Variants in RIMS3 observed in about 807,000 individuals in gnomAD.
The protein encoded by RIMS3 is regulating synaptic membrane exocytosis 3.
Under a neutral mutation model 29.2 loss-of-function variants are expected in RIMS3, and 15 were observed. The observed-to-expected ratio is 0.51, with a 90% confidence interval of 0.34 to 0.79. The LOEUF (loss-of-function observed/expected upper bound fraction) is 0.79. Among genes scored for constraint, RIMS3 ranks in the 30% least tolerant of loss-of-function variants. The probability of loss-of-function intolerance (pLI) is 0.01; values close to 1 mark genes in which losing one functional copy is unlikely to be tolerated. For missense variants in RIMS3, 342 were observed against 421.4 expected (o/e 0.81, Z 1.65); for synonymous variants, 161 against 170.1 (o/e 0.95, Z 0.41).
rs559120528 is a variant in RIMS3 at position 40,664,393 on chromosome 1, A to C, written c.-207+1001T>G. ...ATGGCTCATTAACCCCTTGTTGACC[A>C]GGCCCAATCCTCCTCCCATGACTTC... On this transcript the variant is annotated intron_variant, in intron 1 of 7. Transcript: ENST00000372684. Among the ~76,000 whole-genome samples, 453 of 152,236 alleles carry C rather than the reference A, an allele frequency of 3.0e-3. 2 individuals are homozygous for C. The highest frequency in any genetic ancestry group is 4.6e-3 in the Non-Finnish European group (315 of 67,990).
chr1:40,635,307 C>T lies in RIMS3; in HGVS notation c.359+609G>A, dbSNP rs1646512537. 6.6e-6 allele frequency among the ~76,000 whole-genome samples: 1 copy of T among 152,236 alleles called. No individual in the cohort carries two copies. The highest frequency in any genetic ancestry group is 2.1e-4 in the South Asian group (1 of 4,828). ...CCTACATGTAAGAAAGGAGATTTAA[C>T]ATCATGACCCAGGACAGACCTGTGT... On this transcript the variant is annotated intron_variant, in intron 4 of 7. Coordinates refer to ENST00000372684, the MANE Select transcript of RIMS3 (RefSeq NM_014747.3). The surrounding 1 kb of genome is among the most constrained non-coding windows in gnomAD (Gnocchi z 4.1).
the RIMS3 span, among the ~76,000 whole-genome samples, chr1:40,682,243 G>T: frequency 2.6e-5 from 4 of 152,140 alleles, no homozygotes; most frequent in African/African-American, 7.2e-5. Context: ...TGTTGTTTAG[G>T]TACCTATTGT....
At position 40,665,653 on chromosome 1, in the gene RIMS3, A is replaced by G. The variant is rs1642414807; in HGVS notation, c.-466T>C. The G allele has an allele frequency of 1.3e-5, 2 of 152,260 alleles. No homozygotes were observed. Among genetic ancestry groups the G allele is most frequent in the Admixed American group, 6.5e-5 (1 of 15,296 alleles). The allele number at this position is 152,260 out of a possible 1,614,324, so 9.4% of individuals were successfully genotyped here. A position where few individuals can be genotyped will look rare whatever the true frequency, so the allele number is the denominator to read the frequency against. On this transcript the variant is annotated 5_prime_UTR_variant, in exon 1 of 8. Coordinates refer to ENST00000372684, the MANE Select transcript of RIMS3 (RefSeq NM_014747.3). ...CTGCGCTGCCGGCTCCGCAGCAGCC[A>G]CCGTTTTCAGTCGCCGCCGGGTGCA...
chr1:40,682,258 T>A, the RIMS3 span, among the ~76,000 whole-genome samples: 1 of 152,208 alleles, frequency 6.6e-6, no homozygotes, highest in Admixed American at 6.5e-5. Context: ...TATTGTTAAT[T>A]AAGTACCTAT....
chr1:40,669,947 A>G (rs616954), upstream of RIMS3, among the ~76,000 whole-genome samples: 119,445 of 151,952 alleles, frequency 0.79, 47,577 homozygotes, highest in African/African-American at 0.9. Flanking sequence ...TAATTATCAG[A>G]GCCATCCAGT....
At chr1:40,644,312 A>T (rs1646580368) in intron 2 of RIMS3, among the ~76,000 whole-genome samples, 1 of 152,214 alleles carries the variant, frequency 6.6e-6, no homozygotes, top group Non-Finnish European at 1.5e-5. Flanking sequence ...CAGGGTCATA[A>T]ATGTCTTTTG....
chr1:40,669,173 A>C (rs1000099129), upstream of RIMS3: 4 of 152,274 alleles, frequency 2.6e-5, no homozygotes, highest in South Asian at 8.3e-4. Context: ...TTTTGAGGGA[A>C]CTAACCATGT....
In RIMS3 at chr1:40,622,644, T is replaced by A. The variant is rs1646429833; in HGVS notation, c.*3873A>T. 1 of 152,632 alleles carries A rather than the reference T, an allele frequency of 6.6e-6. No homozygotes were observed. Among genetic ancestry groups the A allele is most frequent in the Non-Finnish European group, 1.5e-5 (1 of 68,066 alleles). 9.5% of individuals were successfully genotyped at this position (152,632 alleles called of 1,614,324 possible). A position where few individuals can be genotyped will look rare whatever the true frequency, so the allele number is the denominator to read the frequency against. On this transcript the variant is annotated 3_prime_UTR_variant, in exon 8 of 8. Coordinates refer to ENST00000372684, the MANE Select transcript of RIMS3 (RefSeq NM_014747.3). ...CCTTCTGGCCCTGAATGATGTGCCA[T>A]CTCTCCAGCCAGGTGGAGGGCAACT...
At chr1:40,679,047 G>A in the RIMS3 span, among the ~76,000 whole-genome samples, 3 of 152,208 alleles carry the variant, frequency 2.0e-5, no homozygotes, top group African/African-American at 7.2e-5. Flanking sequence ...ACCCCAAAGT[G>A]CACTTGTTGC....
At chr1:40,633,664 C>T (rs1320287589) in intron 4 of RIMS3, among the ~76,000 whole-genome samples, 1 of 152,204 alleles carries the variant, frequency 6.6e-6, no homozygotes, top group African/African-American at 2.4e-5. Context: ...AACACAATTA[C>T]AGGGTTGAGG....
In RIMS3 at chr1:40,624,563, G is replaced by A. The variant is rs1646441835; in HGVS notation, c.*1954C>T. The A allele has an allele frequency of 6.6e-6, 1 of 152,180 alleles. No homozygotes were observed. The highest frequency in any genetic ancestry group is 1.5e-5 in the Non-Finnish European group (1 of 68,048). The allele number at this position is 152,180 out of a possible 1,614,324, so 9.4% of individuals were successfully genotyped here. On this transcript the variant is annotated 3_prime_UTR_variant, in exon 8 of 8. Coordinates refer to ENST00000372684, the MANE Select transcript of RIMS3 (RefSeq NM_014747.3). ...CCCTTTCTCTGATAATATAAGAATAGAGGCTCAGGCAGAGATAGGAGCCTG... is the reference window on the plus strand; with the variant it reads ...CCCTTTCTCTGATAATATAAGAATAAAGGCTCAGGCAGAGATAGGAGCCTG...
intron 2 of RIMS3, among the ~76,000 whole-genome samples, chr1:40,643,542 TCTCGA>T (rs1302166274): frequency 3.3e-4 from 49 of 149,472 alleles, no homozygotes; most frequent in African/African-American, 1.2e-3. Flanking sequence ...AGTGGCACGA[TCTCGA>T]CTCACTGGAA....
chr1:40,678,656 G>A, the RIMS3 span, among the ~76,000 whole-genome samples: 1 of 152,210 alleles, frequency 6.6e-6, no homozygotes, highest in Non-Finnish European at 1.5e-5. Context: ...GGACAGGTGA[G>A]GAAGCAGAAG....
chr1:40,636,008 T>C lies in RIMS3; in HGVS notation c.267A>G (p.Thr89=). The stretch of plus-strand genomic sequence containing the variant: ...GGCTCCGCATCTCCACCGCGATGCC[T>C]GTCTCCGTGCTCCGGCGGATGTTGC... ...LRSNIRRSTE[T]GIAVEMRSRV... The change falls in exon 4 of 8, where the codon ACA becomes ACG. Residue 89 remains threonine, a synonymous_variant. Transcript: ENST00000372684. The surrounding 1 kb of genome is among the most constrained non-coding windows in gnomAD (Gnocchi z 4.2). 6.2e-7 allele frequency: 1 copy of C among 1,608,900 alleles called. No individual in the cohort carries two copies. Among genetic ancestry groups the C allele is most frequent in the Non-Finnish European group, 8.5e-7 (1 of 1,179,984 alleles).
chr1:40,650,273 G>A (rs1241745779), intron 1 of RIMS3, among the ~76,000 whole-genome samples: 1 of 152,216 alleles, frequency 6.6e-6, no homozygotes, highest in South Asian at 2.1e-4. Context: ...CCTTCACTGG[G>A]CTGGGGGCTC....
intron 5 of RIMS3, among the ~76,000 whole-genome samples, chr1:40,630,701 CA>C (rs993425097): frequency 2.0e-5 from 3 of 152,150 alleles, no homozygotes; most frequent in African/African-American, 7.2e-5. Flanking sequence ...GGTCTGACAC[CA>C]GGGGGTACCA....
chr1:40,646,949 C>T (rs534795353), intron 2 of RIMS3, among the ~76,000 whole-genome samples: 11 of 151,508 alleles, frequency 7.3e-5, no homozygotes, highest in South Asian at 2.1e-4. Context: ...GGTGCGATCT[C>T]GACTCACTGC....
Position 40,636,765 on chromosome 1 carries a change from G to A in RIMS3, c.218-708C>T, listed in dbSNP as rs191044735. On this transcript the variant is annotated intron_variant, in intron 3 of 7. Transcript: ENST00000372684. The surrounding 1 kb of genome is among the most constrained non-coding windows in gnomAD (Gnocchi z 4.2). ...GAAGCTGGCCTGTGAGAACTTACCC[G>A]TGTCTCCGTGCCTCCTGTTCAGAGG... 2.0e-3 allele frequency among the ~76,000 whole-genome samples: 304 copies of A among 152,272 alleles called. 4 individuals are homozygous for A. The highest frequency in any genetic ancestry group is 7.0e-3 in the African/African-American group (291 of 41,548).
Position 40,636,471 on chromosome 1 carries a change from CA to C in RIMS3, c.218-415del, listed in dbSNP as rs1378749245. 6.6e-6 allele frequency among the ~76,000 whole-genome samples: 1 copy of C among 152,172 alleles called. No individual in the cohort carries two copies. Among genetic ancestry groups the C allele is most frequent in the Non-Finnish European group, 1.5e-5 (1 of 68,028 alleles). On this transcript the variant is annotated intron_variant, in intron 3 of 7. Transcript: ENST00000372684. The surrounding 1 kb of genome is among the most constrained non-coding windows in gnomAD (Gnocchi z 4.2). The stretch of plus-strand genomic sequence containing the variant: ...GAAAGTTCATCTTCTCTGGGATTCT[CA>C]GACTGACTTTCCCTCTTTCAGGCAC...
Sources: gnomAD v4.1 joint callset for allele counts (sites outside exome capture counted in the v4.1 genomes callset) on GRCh38, gnomAD v4.1.1 for gene constraint, Gnocchi (gnomAD v3.1) non-coding constraint, MANE v1.5 for transcripts, NCBI Gene and HGNC (gene_info 2026-07-23, HGNC 2026-07-21) for gene names.